TBC1D9B: variants seen among roughly 807,000 people sequenced by gnomAD.
TBC1D9B encodes TBC1 domain family member 9B.
In TBC1D9B, 87 loss-of-function variants were observed where a neutral mutation model predicts 121.1. That is an observed-to-expected ratio of 0.72 (90% confidence interval 0.60 to 0.86). TBC1D9B has a LOEUF of 0.86. Ranked by LOEUF, TBC1D9B falls within the 40% of genes least tolerant of loss-of-function variation. The pLI is 0.00. For synonymous variants in TBC1D9B, 668 were observed against 670.1 expected (o/e 1.00, Z 0.05); for missense variants, 1,540 against 1,628.6 (o/e 0.95, Z 0.94).
chr5:179,881,952 T>TG (rs1239244929), intron 7 of TBC1D9B, among the ~76,000 whole-genome samples: 2 of 150,098 alleles, frequency 1.3e-5, no homozygotes, highest in African/African-American at 5.0e-5. Flanking sequence ...TTCCGTTTTT[T>TG]TTTTTTTTTT....
Position 179,890,898 on chromosome 5 carries a change from G to A in TBC1D9B, c.1044+481C>T, listed in dbSNP as rs145225265. On this transcript the variant is annotated intron_variant, in intron 6 of 20. Transcript: ENST00000355235. This position sits in a 1 kb window ranked among gnomAD's most constrained non-coding sequence, Gnocchi z 5.0. Reference sequence around the variant, plus strand: ...TGCAGCCTCACAGGGGAGAGCCGACGCCGCCCCACAGGGGAGAGCCGACCT... The same window carrying A: ...TGCAGCCTCACAGGGGAGAGCCGACACCGCCCCACAGGGGAGAGCCGACCT... Among the ~76,000 whole-genome samples, 458 of 152,242 alleles carry A rather than the reference G, an allele frequency of 3.0e-3. 3 individuals carry two copies. Among genetic ancestry groups the A allele is most frequent in the African/African-American group, 0.011 (440 of 41,564 alleles).
At chr5:179,892,691 G>C (rs1039844665) in intron 5 of TBC1D9B, among the ~76,000 whole-genome samples, 4 of 152,176 alleles carry the variant, frequency 2.6e-5, no homozygotes, top group Non-Finnish European at 5.9e-5. Flanking sequence ...AGGACCCCTG[G>C]GGGTCCCATG....
At chr5:179,869,523 TCTGTA>T (rs1760120997) in intron 17 of TBC1D9B, 3 of 663,586 alleles carry the variant, frequency 4.5e-6, no homozygotes, top group Non-Finnish European at 8.3e-6. Flanking sequence ...CGGTGGGAGT[TCTGTA>T]CCCAGCAGTG....
intron 2 of TBC1D9B, among the ~76,000 whole-genome samples, chr5:179,900,639 G>A (rs982155914): frequency 2.0e-5 from 3 of 152,148 alleles, no homozygotes; most frequent in Admixed American, 6.5e-5. Context: ...TCGACTGACC[G>A]ATACATAACT....
At chr5:179,864,890 C>T (rs960838160) in intron 20 of TBC1D9B, among the ~76,000 whole-genome samples, 5 of 152,212 alleles carry the variant, frequency 3.3e-5, no homozygotes, top group Admixed American at 1.3e-4. Flanking sequence ...TCTGCGAGAC[C>T]AGTGAATGAA....
Position 179,876,014 on chromosome 5 carries a change from C to A in TBC1D9B, c.1806G>T (p.Val602=). ...YCQAMNIVTS[V]LLLYGSEEEA... ...CCTCCTCACTGCCATAGAGCAGGAG[C>A]ACCGAGGTCACGATGTTCATTGCCT... Residue 602 remains valine, a synonymous_variant, in exon 11 of 21, where the codon GTG becomes GTT. Coordinates refer to ENST00000355235, the MANE Select transcript of TBC1D9B (RefSeq NM_015043.4). The A allele has an allele frequency of 6.2e-7, 1 of 1,612,810 alleles. No individual in the cohort carries two copies. Among genetic ancestry groups the A allele is most frequent in the Non-Finnish European group, 8.5e-7 (1 of 1,179,594 alleles).
In TBC1D9B at chr5:179,904,813, C is replaced by A; in HGVS notation, c.119-1G>T. ...ACGTCCAGGGTGCCCACGAGAAGAC[C>A]TGGGAACAGGGCAGAGAGACATAGA... On this transcript the variant is annotated splice_acceptor_variant, in intron 1 of 20. Transcript: ENST00000355235. LOFTEE classifies it high-confidence loss of function. The surrounding 1 kb of genome is among the most constrained non-coding windows in gnomAD (Gnocchi z 4.2). The A allele has an allele frequency of 6.4e-7, 1 of 1,556,954 alleles. No homozygotes were observed. Among genetic ancestry groups the A allele is most frequent in the African/African-American group, 1.4e-5 (1 of 73,530 alleles).
At position 179,862,668 on chromosome 5, in the gene TBC1D9B, C is replaced by G; in HGVS notation, c.*780G>C. The G allele has an allele frequency of 2.3e-6, 1 of 441,222 alleles. No homozygotes were observed. Among genetic ancestry groups the G allele is most frequent in the Non-Finnish European group, 4.7e-6 (1 of 213,912 alleles). The allele number at this position is 441,222 out of a possible 1,614,324, so 27.3% of individuals were successfully genotyped here. On this transcript the variant is annotated 3_prime_UTR_variant, in exon 21 of 21. Coordinates refer to ENST00000355235, the MANE Select transcript of TBC1D9B (RefSeq NM_015043.4). ...TCCAGAACACAGCCAGGGCCCCATA[C>G]TTGGCCTGGGGAGAAGTTGGGAGGC...
chr5:179,870,615 AAGCACGGGCCAGACACTGC>A, intron 15 of TBC1D9B, 120 bp from the exon 16 acceptor site: 1 of 1,419,584 alleles, frequency 7.0e-7, no homozygotes, highest in East Asian at 2.5e-5. Context: ...CTGGGGCGGT[AAGCACGGGCCAGACACTGC>A]AGCACCTCCC....
chr5:179,867,786 G>T lies in TBC1D9B; in HGVS notation c.2855C>A (p.Ser952Tyr). ...EAAHYFTEDS[S>Y]SEEALPQEEQ... ...TTCCAGTGGCCGCTCACCTTCTGAG[G>T]AGCTGTCCTCTGTGAAATAATGGGC... The change falls in exon 18 of 21, where the codon TCC becomes TAC. Residue 952 changes from serine (S) to tyrosine (Y), a missense_variant. Ser to Tyr is a moderately radical substitution (Grantham distance 144). Coordinates refer to ENST00000355235, the MANE Select transcript of TBC1D9B (RefSeq NM_015043.4). 4 of 1,566,922 alleles carry T rather than the reference G, an allele frequency of 2.6e-6. No homozygotes were observed. The highest frequency in any genetic ancestry group is 3.5e-6 in the Non-Finnish European group (4 of 1,154,686).
chr5:179,889,447 G>A (rs1462628061), intron 6 of TBC1D9B, among the ~76,000 whole-genome samples: 1 of 151,902 alleles, frequency 6.6e-6, no homozygotes, highest in East Asian at 1.9e-4. Context: ...GGTGGGAGAG[G>A]CGCACAGAAG....
chr5:179,867,058 C>T (rs763183114), intron 18 of TBC1D9B: 2 of 196,792 alleles, frequency 1.0e-5, no homozygotes, highest in Non-Finnish European at 2.1e-5. Context: ...AAAAACGTGA[C>T]GTGGAACATG....
rs1161875010 is a variant in TBC1D9B, at chr5:179,894,567, C to G, written c.396G>C (p.Glu132Asp). 4 of 1,614,216 alleles carry G rather than the reference C, an allele frequency of 2.5e-6. No homozygotes were observed. Among genetic ancestry groups the G allele is most frequent in the Non-Finnish European group, 3.4e-6 (4 of 1,180,026 alleles). ...CAGCCTCCTTGAACTTCCCGGGGTC[C>G]TCGTCTCCCTGGGGCTGCAGGTTCT... Reference protein sequence around the residue: ...ENKNLQPQGDEDPGKFKEAEL... With the variant: ...ENKNLQPQGDDDPGKFKEAEL... The change falls in exon 4 of 21, where the codon GAG becomes GAC. Residue 132 changes from glutamate to aspartate, a missense_variant. Transcript: ENST00000355235.
At chr5:179,895,592 T>C (rs184751362) in intron 3 of TBC1D9B, among the ~76,000 whole-genome samples, 6 of 152,190 alleles carry the variant, frequency 3.9e-5, no homozygotes, top group Non-Finnish European at 4.4e-5. Context: ...GACATCCCCC[T>C]GGGCCACAGA....
intron 7 of TBC1D9B, among the ~76,000 whole-genome samples, chr5:179,881,158 G>A (rs745639663): frequency 6.6e-6 from 1 of 152,182 alleles, no homozygotes; most frequent in Admixed American, 6.5e-5. Flanking sequence ...GGCGGCTTTC[G>A]GCAGAAGCTT....
chr5:179,904,280 A>G lies in TBC1D9B; in HGVS notation c.229+422T>C, dbSNP rs573888262. 7.3e-6 allele frequency among the ~76,000 whole-genome samples: 1 copy of G among 136,166 alleles called. No individual in the cohort carries two copies. Among genetic ancestry groups the G allele is most frequent in the South Asian group, 2.3e-4 (1 of 4,388 alleles). 89.3% of individuals were successfully genotyped at this position (136,166 alleles called of 152,430 possible). A position where few individuals can be genotyped will look rare whatever the true frequency, so the allele number is the denominator to read the frequency against. ...CGCTGTGTCGCCCAGGCTGGAGTGC[A>G]GTGGCGCGATCTCGGCTCACTGCAA... On this transcript the variant is annotated intron_variant, in intron 2 of 20. Coordinates refer to ENST00000355235, the MANE Select transcript of TBC1D9B (RefSeq NM_015043.4). The surrounding 1 kb of genome is among the most constrained non-coding windows in gnomAD (Gnocchi z 4.2).
intron 14 of TBC1D9B, 75 bp downstream of exon 14, chr5:179,872,817 A>G: frequency 6.9e-7 from 1 of 1,441,870 alleles, no homozygotes; most frequent in Non-Finnish European, 9.7e-7. Flanking sequence ...GGAGCCCTGT[A>G]CCCACCCTGC....
Position 179,865,844 on chromosome 5 carries a change from T to G in TBC1D9B, c.2908A>C (p.Arg970=). The change falls in exon 19 of 21, where the codon AGA becomes CGA. Residue 970 remains arginine (R), a synonymous_variant. Coordinates refer to ENST00000355235, the MANE Select transcript of TBC1D9B (RefSeq NM_015043.4). This position sits in a 1 kb window ranked among gnomAD's most constrained non-coding sequence, Gnocchi z 5.1. ...EEQEGSGSEE[R]GEEKGTSSPD... ...GGCAGAGAATGGCCTGTACCTCCTC[T>G]CTCCTCACTTCCACTTCCTTCTTGC... is the stretch of plus-strand genomic sequence containing the variant. The G allele has an allele frequency of 6.2e-7, 1 of 1,608,662 alleles. No homozygotes were observed. Among genetic ancestry groups the G allele is most frequent in the Admixed American group, 1.7e-5 (1 of 59,530 alleles).
At chr5:179,878,237 G>A (rs1760417815) in intron 10 of TBC1D9B, 72 bp downstream of exon 10, 6 of 1,501,932 alleles carry the variant, frequency 4.0e-6, no homozygotes, top group South Asian at 3.7e-5. Flanking sequence ...CACAGGCCTG[G>A]GACCACAGGG....
Sources: allele counts gnomAD v4.1 joint callset (sites outside exome capture counted in the v4.1 genomes callset), GRCh38; gene constraint gnomAD v4.1.1; non-coding constraint Gnocchi (gnomAD v3.1); transcripts MANE v1.5; gene names NCBI Gene and HGNC (gene_info 2026-07-23, HGNC 2026-07-21).